Variants in DDX10 observed in about 807,000 individuals in gnomAD.
The protein encoded by DDX10 is DEAD-box helicase 10, also known as probable ATP-dependent RNA helicase DDX10.
DDX10 carries 74 observed loss-of-function variants against 104.3 expected under a neutral mutation model. The ratio of observed to expected loss-of-function variants is 0.71; its 90% CI spans 0.59 to 0.86. The LOEUF (loss-of-function observed/expected upper bound fraction) is 0.86, where lower values mean the gene tolerates loss of function less well. Ranked by LOEUF, DDX10 falls within the 40% of genes least tolerant of loss-of-function variation. The pLI is 0.00. For synonymous variants in DDX10, 351 were observed against 353.4 expected, an observed-to-expected ratio of 0.99 and a Z score of 0.08; for missense variants, 952 against 1,040.0, an observed-to-expected ratio of 0.92 and a Z score of 1.16.
At chr11:108,665,412 C>A in intron 1 of DDX10, 73 bp downstream of exon 1, 1 of 1,462,010 alleles carries the variant, frequency 6.8e-7, no homozygotes, top group Non-Finnish European at 9.1e-7. Context: ...CGAGGAGTTG[C>A]AGAGTGGAGG....
At chr11:108,919,625 A>G (rs1863798077) in intron 17 of DDX10, 1 of 152,342 alleles carries the variant, frequency 6.6e-6, no homozygotes, top group African/African-American at 2.4e-5. Context: ...TGGAAGCAAC[A>G]TTAATTGGTT....
chr11:108,754,243 C>T (rs994849450), intron 13 of DDX10, among the ~76,000 whole-genome samples: 1 of 151,996 alleles, frequency 6.6e-6, no homozygotes, highest in Admixed American at 6.6e-5. Flanking sequence ...AAAGGCCTAG[C>T]CTTTAATATG....
At chr11:108,720,207 T>A (rs1248448407) in intron 12 of DDX10, among the ~76,000 whole-genome samples, 1 of 152,250 alleles carries the variant, frequency 6.6e-6, no homozygotes, top group East Asian at 1.9e-4. Flanking sequence ...CAGTGTTCAG[T>A]TCTTGTTAAT....
At chr11:108,788,660 G>GC (rs1408368710) in intron 13 of DDX10, among the ~76,000 whole-genome samples, 1 of 152,230 alleles carries the variant, frequency 6.6e-6, no homozygotes, top group Admixed American at 6.5e-5. Context: ...ATGGAGCCCA[G>GC]CCCTGTAGCT....
chr11:108,912,291 T>G (rs536450152), intron 16 of DDX10, among the ~76,000 whole-genome samples: 41 of 152,256 alleles, frequency 2.7e-4, no homozygotes, highest in Admixed American at 2.4e-3. Flanking sequence ...CACATTGGGA[T>G]TAGGGTATGG....
At chr11:108,917,328 G>A (rs1456708059) in intron 16 of DDX10, among the ~76,000 whole-genome samples, 1 of 151,996 alleles carries the variant, frequency 6.6e-6, no homozygotes, top group Non-Finnish European at 1.5e-5. Flanking sequence ...TTTTCACCTA[G>A]TATTTTTGGT....
intron 13 of DDX10, among the ~76,000 whole-genome samples, chr11:108,755,356 C>T (rs2094343276): frequency 6.6e-6 from 1 of 151,996 alleles, no homozygotes; most frequent in Admixed American, 6.6e-5. Context: ...TTATTGTGTA[C>T]TCAAACTTTT....
intron 16 of DDX10, among the ~76,000 whole-genome samples, chr11:108,896,567 T>C (rs1042563089): frequency 3.9e-5 from 6 of 152,204 alleles, no homozygotes; most frequent in Admixed American, 6.5e-5. Flanking sequence ...TACTGTATTA[T>C]AAAACAATCT....
intron 13 of DDX10, among the ~76,000 whole-genome samples, chr11:108,802,135 G>C: frequency 6.6e-6 from 1 of 151,898 alleles, no homozygotes; most frequent in African/African-American, 2.4e-5. Context: ...GGATGTACAG[G>C]TTGACTAAAC....
intron 11 of DDX10, among the ~76,000 whole-genome samples, chr11:108,717,119 G>A (rs547194032): frequency 6.6e-6 from 1 of 152,106 alleles, no homozygotes; most frequent in South Asian, 2.1e-4. Context: ...TATCAGCAAT[G>A]AGCCAGAGAG....
intron 16 of DDX10, among the ~76,000 whole-genome samples, chr11:108,885,128 T>C (rs922591245): frequency 6.6e-6 from 1 of 152,170 alleles, no homozygotes; most frequent in East Asian, 1.9e-4. Flanking sequence ...GTTTTTGTTG[T>C]TGTTGGTTTC....
At position 108,802,986 on chromosome 11, in the gene DDX10, A is replaced by T. The variant is rs982633308; in HGVS notation, c.1966-35460A>T. 2.0e-5 allele frequency among the ~76,000 whole-genome samples: 3 copies of T among 152,248 alleles called. No individual in the cohort carries two copies. In the South Asian group the frequency reaches 6.2e-4, roughly 32 times the overall value. Reference sequence around the variant, plus strand: ...ATTTTCTAAATCCAATGTAGGAAAAAGGAAAAAGCATAGTTTCCAGAGAAG... The same window carrying T: ...ATTTTCTAAATCCAATGTAGGAAAATGGAAAAAGCATAGTTTCCAGAGAAG... On this transcript the variant is annotated intron_variant, in intron 13 of 17. Coordinates refer to ENST00000322536, the MANE Select transcript of DDX10 (RefSeq NM_004398.4).
chr11:108,779,508 G>A (rs866172977), intron 13 of DDX10, among the ~76,000 whole-genome samples: 4 of 151,964 alleles, frequency 2.6e-5, no homozygotes, highest in Non-Finnish European at 5.9e-5. Flanking sequence ...GACACAGGGT[G>A]GGGAACATCA....
chr11:108,689,136 T>A (rs2094248613), intron 7 of DDX10, 74 bp downstream of exon 7: 1 of 1,491,464 alleles, frequency 6.7e-7, no homozygotes, highest in African/African-American at 1.4e-5. Context: ...ATTAGACAAA[T>A]TATTATATTG....
At chr11:108,893,778 A>G (rs1412919423) in intron 16 of DDX10, among the ~76,000 whole-genome samples, 1 of 152,066 alleles carries the variant, frequency 6.6e-6, no homozygotes, top group East Asian at 1.9e-4. Flanking sequence ...GGGAGCATTG[A>G]TTGCTAAACA....
intron 13 of DDX10, among the ~76,000 whole-genome samples, chr11:108,746,650 A>G (rs1356728086): frequency 6.6e-6 from 1 of 152,144 alleles, no homozygotes; most frequent in Non-Finnish European, 1.5e-5. Flanking sequence ...CCAAGGTGGC[A>G]GCACCATTTT....
chr11:108,798,438 T>C (rs1861975699), intron 13 of DDX10, among the ~76,000 whole-genome samples: 1 of 152,214 alleles, frequency 6.6e-6, no homozygotes, highest in Admixed American at 6.5e-5. Flanking sequence ...AAACAGTAAC[T>C]CTGTAATTCC....
At chr11:108,796,797 G>C (rs1403254020) in intron 13 of DDX10, among the ~76,000 whole-genome samples, 4 of 152,136 alleles carry the variant, frequency 2.6e-5, no homozygotes, top group African/African-American at 9.7e-5. Flanking sequence ...TTTCAGCGAT[G>C]GGGGCACTGC....
chr11:108,862,178 C>T (rs1416137776), intron 16 of DDX10, among the ~76,000 whole-genome samples: 2 of 152,176 alleles, frequency 1.3e-5, no homozygotes, highest in Non-Finnish European at 2.9e-5. Flanking sequence ...ACCACCAAAT[C>T]TGGCTAATTT....
Sources: allele counts gnomAD v4.1 joint callset (sites outside exome capture counted in the v4.1 genomes callset), GRCh38; gene constraint gnomAD v4.1.1; transcripts MANE v1.5; gene names NCBI Gene and HGNC (gene_info 2026-07-23, HGNC 2026-07-21).